Variants in NBEA observed in about 807,000 individuals in gnomAD.
NBEA encodes the protein lysosomal-trafficking regulator 2.
Under a neutral mutation model 343.4 loss-of-function variants are expected in NBEA, and 44 were observed. That is an observed-to-expected ratio of 0.13 (90% CI 0.10 to 0.16). The LOEUF is 0.16. Ranked by LOEUF, NBEA falls within the 10% of genes least tolerant of loss-of-function variation. The pLI is 1.00. For missense variants in NBEA, 2,555 were observed against 3,631.3 expected, an observed-to-expected ratio of 0.70 and a Z score of 7.62; for synonymous variants, 1,175 against 1,238.7, an observed-to-expected ratio of 0.95 and a Z score of 1.08.
intron 40 of NBEA, among the ~76,000 whole-genome samples, chr13:35,459,576 T>G (rs1403393894): frequency 6.6e-6 from 1 of 151,992 alleles, no homozygotes; most frequent in East Asian, 1.9e-4. Flanking sequence ...TGGCAGATAA[T>G]GTATCTTCCC....
At chr13:35,633,464 G>A (rs905472319) in intron 49 of NBEA, among the ~76,000 whole-genome samples, 6 of 151,192 alleles carry the variant, frequency 4.0e-5, no homozygotes, top group South Asian at 2.1e-4. Flanking sequence ...TTGGGAGACC[G>A]AGGCGGGTGG....
chr13:34,947,986 T>C (rs1018381782), intron 1 of NBEA, among the ~76,000 whole-genome samples: 1 of 152,230 alleles, frequency 6.6e-6, no homozygotes, highest in Non-Finnish European at 1.5e-5. Context: ...GTAAAAACTT[T>C]TCAGTAAACT....
intron 41 of NBEA, among the ~76,000 whole-genome samples, chr13:35,492,311 C>T (rs2076531792): frequency 6.6e-6 from 1 of 151,842 alleles, no homozygotes; most frequent in Non-Finnish European, 1.5e-5. Context: ...TAACCAAATA[C>T]CACCTGTTCC....
chr13:35,110,051 TAA>T (rs142960328), intron 12 of NBEA, among the ~76,000 whole-genome samples: 59 of 109,512 alleles, frequency 5.4e-4, no homozygotes, highest in African/African-American at 8.0e-4. Flanking sequence ...TTTTTTTTTT[TAA>T]ATGTTTTTTT....
At chr13:35,574,653 A>G (rs2080641258) in intron 45 of NBEA, among the ~76,000 whole-genome samples, 1 of 152,134 alleles carries the variant, frequency 6.6e-6, no homozygotes, top group South Asian at 2.1e-4. Context: ...TGGAAGGCAG[A>G]GTCAGGAGGA....
At chr13:35,501,405 T>C (rs2076882677) in intron 41 of NBEA, among the ~76,000 whole-genome samples, 1 of 152,166 alleles carries the variant, frequency 6.6e-6, no homozygotes, top group African/African-American at 2.4e-5. Flanking sequence ...AAAATTATTG[T>C]CATTGTGATA....
intron 35 of NBEA, among the ~76,000 whole-genome samples, chr13:35,308,512 GTGTATATATGTA>G (rs1566597439): frequency 4.1e-5 from 4 of 98,526 alleles, no homozygotes; most frequent in African/African-American, 1.8e-4. Context: ...ATATATATAT[GTGTATATATGTA>G]TATATATGTA....
intron 39 of NBEA, among the ~76,000 whole-genome samples, chr13:35,451,061 A>G (rs2046285423): frequency 6.6e-6 from 1 of 152,168 alleles, no homozygotes; most frequent in South Asian, 2.1e-4. Context: ...AAATCTTGCA[A>G]TATTTCCAGT....
intron 30 of NBEA, among the ~76,000 whole-genome samples, chr13:35,191,754 A>G (rs1268176899): frequency 2.0e-5 from 3 of 152,070 alleles, no homozygotes; most frequent in Admixed American, 1.3e-4. Context: ...TTTTAGTGCT[A>G]TACTAACAAG....
chr13:35,058,743 A>T lies in NBEA; in HGVS notation c.1119A>T (p.Ser373=), dbSNP rs1339774857. Residue 373 remains serine, a synonymous_variant, in exon 8 of 59, where the codon TCA becomes TCT. Transcript: ENST00000379939. Reference sequence around the variant, plus strand: ...GCTATGACAAGTGCTTTCTTGGATCATCAGAAACTGCTGATGCAAATAGGG... The same window carrying T: ...GCTATGACAAGTGCTTTCTTGGATCTTCAGAAACTGCTGATGCAAATAGGG... ...NDSYDKCFLG[S]SETADANRVF... The T allele has an allele frequency of 1.9e-6, 3 of 1,587,594 alleles. No individual in the cohort carries two copies. Among genetic ancestry groups the T allele is most frequent in the South Asian group, 1.1e-5 (1 of 87,472 alleles).
chr13:35,649,030 AAAAG>A (rs1441761762), intron 51 of NBEA, among the ~76,000 whole-genome samples: 1 of 152,126 alleles, frequency 6.6e-6, no homozygotes, highest in Non-Finnish European at 1.5e-5. Context: ...TAATTAAAAA[AAAAG>A]AAGAAGAAGA....
intron 1 of NBEA, among the ~76,000 whole-genome samples, chr13:34,992,554 A>G (rs1315260582): frequency 6.6e-6 from 1 of 151,826 alleles, no homozygotes; most frequent in African/African-American, 2.4e-5. Context: ...AAAAGGAGCT[A>G]GGATGAAATA....
At chr13:35,661,937 T>C (rs2085110609) in intron 55 of NBEA, among the ~76,000 whole-genome samples, 1 of 152,112 alleles carries the variant, frequency 6.6e-6, no homozygotes, top group South Asian at 2.1e-4. Context: ...TCTTAGAAAC[T>C]CCACTGGCTT....
intron 1 of NBEA, among the ~76,000 whole-genome samples, chr13:34,971,705 A>G (rs926194661): frequency 6.6e-6 from 1 of 152,064 alleles, no homozygotes; most frequent in African/African-American, 2.4e-5. Flanking sequence ...GATGAAGCCT[A>G]CTTGATTGTG....
At chr13:35,194,284 TCAGAACAACA>T (rs1296564912) in intron 30 of NBEA, among the ~76,000 whole-genome samples, 1 of 152,068 alleles carries the variant, frequency 6.6e-6, no homozygotes, top group Non-Finnish European at 1.5e-5. Context: ...AATTCTATCA[TCAGAACAACA>T]CTTCTACTAG....
intron 36 of NBEA, among the ~76,000 whole-genome samples, chr13:35,333,701 T>C (rs1007390631): frequency 1.3e-5 from 2 of 152,154 alleles, no homozygotes; most frequent in East Asian, 1.9e-4. Flanking sequence ...CTCAATACCT[T>C]TTCCAACCTC....
intron 31 of NBEA, among the ~76,000 whole-genome samples, chr13:35,199,475 G>A (rs576624354): frequency 9.9e-4 from 151 of 152,164 alleles, no homozygotes; most frequent in Non-Finnish European, 1.1e-3. Flanking sequence ...TCAGTTGGTC[G>A]CTTCTTTGTA....
At chr13:35,534,815 C>G (rs1443114614) in intron 41 of NBEA, among the ~76,000 whole-genome samples, 1 of 152,164 alleles carries the variant, frequency 6.6e-6, no homozygotes, top group African/African-American at 2.4e-5. Context: ...CTAGTACATG[C>G]CGACTGAATT....
At chr13:35,576,123 TTTTTTTTTTTTGAGACG>T (rs2080727159) in intron 45 of NBEA, among the ~76,000 whole-genome samples, 1 of 131,848 alleles carries the variant, frequency 7.6e-6, no homozygotes, top group African/African-American at 2.8e-5. Context: ...TTTGGTTTGG[TTTTTTTTTTTTGAGACG>T]TTGTCTCACT....
Sources: gnomAD v4.1 joint callset for allele counts (sites outside exome capture counted in the v4.1 genomes callset) on GRCh38, gnomAD v4.1.1 for gene constraint, MANE v1.5 for transcripts, NCBI Gene and HGNC (gene_info 2026-07-23, HGNC 2026-07-21) for gene names.